Variants in CDH10 observed in about 807,000 individuals in gnomAD.
The protein encoded by CDH10 is cadherin-10.
CDH10 carries 30 observed loss-of-function variants against 73.1 expected under a neutral mutation model. That is an observed-to-expected ratio of 0.41 (90% confidence interval 0.31 to 0.56). CDH10 has a LOEUF of 0.56. CDH10 is among the 20% of genes least tolerant of loss of function. The probability of loss-of-function intolerance (pLI) is 0.27; values close to 1 mark genes in which losing one functional copy is unlikely to be tolerated. For synonymous variants in CDH10, 345 were observed against 348.2 expected, an observed-to-expected ratio of 0.99 and a Z score of 0.10; for missense variants, 815 against 973.7, an observed-to-expected ratio of 0.84 and a Z score of 2.17.
At chr5:24,563,650 G>A (rs1228602627) in intron 2 of CDH10, among the ~76,000 whole-genome samples, 1 of 147,758 alleles carries the variant, frequency 6.8e-6, no homozygotes, top group Non-Finnish European at 1.5e-5. Context: ...GGCGCCTGTG[G>A]TCCCAGCTAC....
chr5:24,514,334 C>A (rs1743028358), intron 5 of CDH10, among the ~76,000 whole-genome samples: 1 of 152,128 alleles, frequency 6.6e-6, no homozygotes, highest in South Asian at 2.1e-4. Flanking sequence ...ATCCTCTGTC[C>A]TGTCAGTTTC....
intron 1 of CDH10, among the ~76,000 whole-genome samples, chr5:24,600,605 C>A (rs1029693349): frequency 5.3e-5 from 8 of 149,822 alleles, no homozygotes; most frequent in Non-Finnish European, 8.9e-5. Flanking sequence ...TGCGTGCGTG[C>A]GTGTGTGTGT....
chr5:24,641,774 A>T (rs933652558), intron 1 of CDH10, among the ~76,000 whole-genome samples: 1 of 152,076 alleles, frequency 6.6e-6, no homozygotes, highest in Non-Finnish European at 1.5e-5. Flanking sequence ...TTTAACTTCA[A>T]TCTATTCCAG....
At chr5:24,630,550 T>A (rs1329375490) in intron 1 of CDH10, among the ~76,000 whole-genome samples, 2 of 132,944 alleles carry the variant, frequency 1.5e-5, no homozygotes, top group African/African-American at 2.9e-5. Context: ...GAGATCATCT[T>A]AAAAAAAAAA....
chr5:24,530,283 T>C (rs566400068), intron 5 of CDH10, among the ~76,000 whole-genome samples: 1 of 152,000 alleles, frequency 6.6e-6, no homozygotes, highest in East Asian at 1.9e-4. Flanking sequence ...TGAAAATCAA[T>C]ATTGTAACAT....
At chr5:24,537,864 A>G (rs368815161) in intron 2 of CDH10, among the ~76,000 whole-genome samples, 190 bp from the exon 3 acceptor site, 2 of 152,054 alleles carry the variant, frequency 1.3e-5, no homozygotes, top group South Asian at 2.1e-4. Context: ...AGCCTTTTAT[A>G]TATCAGGATA....
chr5:24,566,795 G>A (rs1745180485), intron 2 of CDH10, among the ~76,000 whole-genome samples: 1 of 151,898 alleles, frequency 6.6e-6, no homozygotes, highest in Non-Finnish European at 1.5e-5. Context: ...AGGTAATAAA[G>A]GATTTGTTAG....
intron 2 of CDH10, among the ~76,000 whole-genome samples, chr5:24,553,676 C>T (rs2111960796): frequency 6.6e-6 from 1 of 152,190 alleles, no homozygotes; most frequent in Non-Finnish European, 1.5e-5. Flanking sequence ...TACAATGATA[C>T]CTTCCACCCA....
intron 9 of CDH10, among the ~76,000 whole-genome samples, chr5:24,494,507 A>G (rs1742190264): frequency 6.6e-6 from 1 of 152,006 alleles, no homozygotes; most frequent in Admixed American, 6.5e-5. Context: ...AGACACAAAA[A>G]GTGACCGAAA....
chr5:24,629,355 C>T (rs939544104), intron 1 of CDH10, among the ~76,000 whole-genome samples: 1 of 151,988 alleles, frequency 6.6e-6, no homozygotes, highest in African/African-American at 2.4e-5. Context: ...TTTCACCATA[C>T]CATAACTTCA....
At chr5:24,632,324 C>T (rs917494504) in intron 1 of CDH10, among the ~76,000 whole-genome samples, 7 of 110,430 alleles carry the variant, frequency 6.3e-5, no homozygotes, top group African/African-American at 2.4e-4. Context: ...CATTTCTATA[C>T]TCTTATATAC....
chr5:24,513,030 C>CT (rs1268351060), intron 5 of CDH10, among the ~76,000 whole-genome samples: 3,483 of 143,602 alleles, frequency 0.024, 146 homozygotes, highest in African/African-American at 0.081. Flanking sequence ...TGTTTCTTTT[C>CT]TTTTTTTTTC....
chr5:24,643,542 AG>A (rs1748125006), intron 1 of CDH10, among the ~76,000 whole-genome samples: 1 of 147,852 alleles, frequency 6.8e-6, no homozygotes, highest in Non-Finnish European at 1.5e-5. Context: ...AAAAAAAAAA[AG>A]AGGAGAAAAA....
chr5:24,488,511 T>C (rs1741928263), intron 11 of CDH10, among the ~76,000 whole-genome samples: 1 of 152,074 alleles, frequency 6.6e-6, no homozygotes, highest in Non-Finnish European at 1.5e-5. Context: ...AAAATTTGTG[T>C]GTATAAATCT....
chr5:24,528,178 C>T (rs1181075806), intron 5 of CDH10, among the ~76,000 whole-genome samples: 1 of 151,702 alleles, frequency 6.6e-6, no homozygotes, highest in African/African-American at 2.4e-5. Context: ...ATCTAATGAA[C>T]ATAAATCGTA....
chr5:24,603,827 A>G (rs545677220), intron 1 of CDH10, among the ~76,000 whole-genome samples: 32 of 152,316 alleles, frequency 2.1e-4, no homozygotes, highest in Admixed American at 1.8e-3. Context: ...TAGCCAAAGC[A>G]GTGAGGCAAA....
intron 1 of CDH10, among the ~76,000 whole-genome samples, chr5:24,624,152 AAAC>A (rs1177746671): frequency 6.6e-6 from 1 of 152,106 alleles, no homozygotes; most frequent in Non-Finnish European, 1.5e-5. Flanking sequence ...TGGTGAGAAG[AAAC>A]AACTTATAAA....
At chr5:24,590,640 T>C (rs528886790) in intron 2 of CDH10, among the ~76,000 whole-genome samples, 6 of 152,170 alleles carry the variant, frequency 3.9e-5, no homozygotes, top group South Asian at 2.1e-4. Context: ...AATGGGTTTC[T>C]ATCTGAGAAA....
intron 1 of CDH10, among the ~76,000 whole-genome samples, chr5:24,632,365 T>C (rs1489372859): frequency 1.3e-5 from 2 of 152,044 alleles, no homozygotes; most frequent in Non-Finnish European, 2.9e-5. Context: ...TGTTTCCCCT[T>C]TGAAGTTGAA....
Sources: allele counts gnomAD v4.1 joint callset (sites outside exome capture counted in the v4.1 genomes callset), GRCh38; gene constraint gnomAD v4.1.1; transcripts MANE v1.5; gene names NCBI Gene and HGNC (gene_info 2026-07-23, HGNC 2026-07-21).